Variants in CHFR observed in about 807,000 individuals in gnomAD.
CHFR encodes E3 ubiquitin-protein ligase CHFR.
In CHFR, 57 loss-of-function variants were observed where a neutral mutation model predicts 87.6. That is an observed-to-expected ratio of 0.65 (90% CI 0.53 to 0.81). The LOEUF (loss-of-function observed/expected upper bound fraction) is 0.81. Among genes scored for constraint, CHFR ranks in the 30% least tolerant of loss-of-function variants. The pLI is 0.00. For synonymous variants in CHFR, 381 were observed against 359.2 expected (o/e 1.06, Z -0.69); for missense variants, 797 against 865.8 (o/e 0.92, Z 1.00).
chr12:132,855,215 C>T lies in CHFR; in HGVS notation c.1229+1253G>A, dbSNP rs189494389. 5.4e-3 allele frequency among the ~76,000 whole-genome samples: 818 copies of T among 150,222 alleles called. 4 individuals carry two copies. Among genetic ancestry groups the T allele is most frequent in the South Asian group, 0.011 (50 of 4,746 alleles). ...GAAGGTCATGCCACTGCACTCCAGC[C>T]TGGGCAACAGAGCGAGACTTTGTCT... On this transcript the variant is annotated intron_variant, in intron 10 of 17. Transcript: ENST00000450056.
chr12:132,850,359 C>G (rs6560907), intron 12 of CHFR, among the ~76,000 whole-genome samples: 1 of 152,022 alleles, frequency 6.6e-6, no homozygotes, highest in Non-Finnish European at 1.5e-5. Context: ...CCTCTATATA[C>G]GAAGCATGCT....
At chr12:132,845,468 AT>A (rs202150771) in intron 15 of CHFR, among the ~76,000 whole-genome samples, 117 of 109,482 alleles carry the variant, frequency 1.1e-3, no homozygotes, top group Middle Eastern at 9.4e-3. Flanking sequence ...AAAAAAAAAA[AT>A]AAATAAATAA....
chr12:132,886,071 G>A lies in CHFR; in HGVS notation c.133+1125C>T, dbSNP rs990213008. 3.9e-5 allele frequency among the ~76,000 whole-genome samples: 6 copies of A among 152,120 alleles called. No individual in the cohort carries two copies. In the South Asian group the frequency reaches 6.2e-4, roughly 16 times the overall value. On this transcript the variant is annotated intron_variant, in intron 2 of 17. Transcript: ENST00000450056. ...TCACACCTGTAATCCCAGCACTTTC[G>A]GAGGCCGAAGCAGGTGAATCACTTT...
intron 3 of CHFR, among the ~76,000 whole-genome samples, chr12:132,875,517 G>A (rs1951611092): frequency 6.6e-6 from 1 of 152,164 alleles, no homozygotes; most frequent in African/African-American, 2.4e-5. Context: ...CAGCTACTCG[G>A]GAGGCTGAGG....
At position 132,841,267 on chromosome 12, in the gene CHFR, C is replaced by T. The variant is rs547619077; in HGVS notation, c.*287G>A. 7.4e-5 allele frequency: 26 copies of T among 352,614 alleles called. No individual in the cohort carries two copies. The highest frequency in any genetic ancestry group is 4.2e-4 in the African/African-American group (20 of 47,624). The allele number at this position is 352,614 out of a possible 1,614,324, so 21.8% of individuals were successfully genotyped here. A position where few individuals can be genotyped will look rare whatever the true frequency, so the allele number is the denominator to read the frequency against. On this transcript the variant is annotated 3_prime_UTR_variant, in exon 18 of 18. Transcript: ENST00000450056. The stretch of plus-strand genomic sequence containing the variant: ...TACAAAAGAGCAAAACTGCCCCTCT[C>T]GGCGGGACGGCCGCATGTTACAGAA...
At chr12:132,850,118 T>C (rs1171610713) in intron 12 of CHFR, among the ~76,000 whole-genome samples, 1 of 152,152 alleles carries the variant, frequency 6.6e-6, no homozygotes, top group African/African-American at 2.4e-5. Context: ...CATACACGGC[T>C]AATTTTTTGT....
intron 3 of CHFR, among the ~76,000 whole-genome samples, chr12:132,872,814 T>C (rs907912531): frequency 3.3e-5 from 5 of 152,134 alleles, no homozygotes; most frequent in African/African-American, 1.2e-4. Flanking sequence ...TGAGTACTGA[T>C]CCCTCCCAAG....
chr12:132,860,539 C>T (rs1951189423), intron 7 of CHFR, among the ~76,000 whole-genome samples: 1 of 152,196 alleles, frequency 6.6e-6, no homozygotes, highest in African/African-American at 2.4e-5. Context: ...TCCCTGGGGA[C>T]CCCTCCTAGA....
intron 17 of CHFR, among the ~76,000 whole-genome samples, 197 bp downstream of exon 17, chr12:132,842,814 G>T (rs1207693569): frequency 6.6e-6 from 1 of 152,236 alleles, no homozygotes; most frequent in Admixed American, 6.5e-5. Flanking sequence ...CAGCCAGGAA[G>T]ACACAGAAGT....
chr12:132,866,307 T>C (rs1243355758), intron 6 of CHFR: 1 of 152,092 alleles, frequency 6.6e-6, no homozygotes, highest in Non-Finnish European at 1.5e-5. Flanking sequence ...CACCGGAATG[T>C]TAACACACCG....
chr12:132,836,444 G>A lies in CHFR; in HGVS notation c.*5110C>T, dbSNP rs575839323. ...GTGACAGGCTCCCAGCACGGCGCAC[G>A]GCACTCACAGTGACAGGCTCCCAGC... On this transcript the variant is annotated 3_prime_UTR_variant, in exon 18 of 18. Transcript: ENST00000450056. 1.9e-5 allele frequency: 6 copies of A among 318,906 alleles called. No homozygotes were observed. Among genetic ancestry groups the A allele is most frequent in the Non-Finnish European group, 2.9e-5 (5 of 171,288 alleles). 19.8% of individuals were successfully genotyped at this position (318,906 alleles called of 1,614,324 possible).
chr12:132,866,895 G>A (rs1951357933), intron 6 of CHFR: 1 of 152,270 alleles, frequency 6.6e-6, no homozygotes, highest in African/African-American at 2.4e-5. Flanking sequence ...TCTGGGCGTG[G>A]TGGTGGTGCG....
chr12:132,866,625 C>CG (rs936182680), intron 6 of CHFR: 8 of 147,290 alleles, frequency 5.4e-5, no homozygotes, highest in East Asian at 2.0e-4. Flanking sequence ...TTACAACACA[C>CG]CGCGTAACAC....
At position 132,887,292 on chromosome 12, in the gene CHFR, G is replaced by A. The variant is rs1022133046; in HGVS notation, c.37C>T (p.Pro13Ser). The change falls in exon 2 of 18, where the codon CCG becomes TCG. Residue 13 changes from proline to serine, a missense_variant. Coordinates refer to ENST00000450056, the MANE Select transcript of CHFR (RefSeq NM_001161346.2). ...RPEEGKQSPP[P>S]QPWGRLLRLG... Reference sequence around the variant, plus strand: ...CGCAGGAGCCGTCCCCAGGGCTGCGGCGGCGGCGACTGCTTGCCTTCCTCG... The same window carrying A: ...CGCAGGAGCCGTCCCCAGGGCTGCGACGGCGGCGACTGCTTGCCTTCCTCG... 1.0e-5 allele frequency: 15 copies of A among 1,485,618 alleles called. No individual in the cohort carries two copies. Among genetic ancestry groups the A allele is most frequent in the African/African-American group, 8.8e-5 (6 of 68,346 alleles). 92.0% of individuals were successfully genotyped at this position (1,485,618 alleles called of 1,614,324 possible).
At chr12:132,853,659 G>A (rs949244374) in intron 10 of CHFR, 86 bp from the exon 11 acceptor site, 2 of 1,413,376 alleles carry the variant, frequency 1.4e-6, no homozygotes, top group East Asian at 2.9e-5. Flanking sequence ...AGCCATCACA[G>A]CTCAGCTCCA....
rs553797443 is a variant in CHFR at position 132,857,147 on chromosome 12, G to A, written c.1066+258C>T. 1.2e-4 allele frequency among the ~76,000 whole-genome samples: 16 copies of A among 132,026 alleles called. 1 individual carries two copies. The East Asian group carries it at 3.8e-3, about 31-fold the overall frequency. The allele number at this position is 132,026 out of a possible 152,430, so 86.6% of individuals were successfully genotyped here. A position where few individuals can be genotyped will look rare whatever the true frequency, so the allele number is the denominator to read the frequency against. ...GCTGGTGGAGGGACAGCCCTCACGT[G>A]CCCGGGTGCTGCTGGGTGGATGCCC... On this transcript the variant is annotated intron_variant, in intron 9 of 17. Coordinates refer to ENST00000450056, the MANE Select transcript of CHFR (RefSeq NM_001161346.2).
chr12:132,848,211 T>C (rs766927581), intron 13 of CHFR, 56 bp from the exon 14 acceptor site: 30 of 1,613,484 alleles, frequency 1.9e-5, no homozygotes, highest in Non-Finnish European at 2.4e-5. Context: ...AGGAAAGCAC[T>C]GTCTGCCCGA....
intron 11 of CHFR, 64 bp downstream of exon 11, chr12:132,853,367 A>G (rs1950988947): frequency 7.1e-7 from 1 of 1,408,688 alleles, no homozygotes; most frequent in Non-Finnish European, 9.2e-7. Context: ...CGTGCACGTC[A>G]GCACCGGGCA....
chr12:132,836,668 C>G lies in CHFR; in HGVS notation c.*4886G>C. 2 of 456,128 alleles carry G rather than the reference C, an allele frequency of 4.4e-6. No individual in the cohort carries two copies. Among genetic ancestry groups the G allele is most frequent in the Non-Finnish European group, 8.8e-6 (2 of 226,818 alleles). The allele number at this position is 456,128 out of a possible 1,614,324, so 28.3% of individuals were successfully genotyped here. On this transcript the variant is annotated 3_prime_UTR_variant, in exon 18 of 18. Transcript: ENST00000450056. ...AGACATGCACGACCAAGTGTCTGCT[C>G]TGTGTGAGGAACTTTAAGACCCCAC...
Sources: allele counts gnomAD v4.1 joint callset (sites outside exome capture counted in the v4.1 genomes callset), GRCh38; gene constraint gnomAD v4.1.1; transcripts MANE v1.5; gene names NCBI Gene and HGNC (gene_info 2026-07-23, HGNC 2026-07-21).